The following CLN6 variants were observed in gnomAD, a reference collection of about 807,000 sequenced individuals.
CLN6 encodes the protein CLN6 transmembrane ER protein, also known as ceroid-lipofuscinosis neuronal protein 6.
CLN6 carries 22 observed loss-of-function variants against 33.3 expected under a neutral mutation model. That is an observed-to-expected ratio of 0.66 (90% CI 0.47 to 0.94). The LOEUF is 0.94. CLN6 is among the 40% of genes least tolerant of loss of function. The pLI is 0.00. For missense variants in CLN6, 387 were observed against 417.1 expected, an observed-to-expected ratio of 0.93 and a Z score of 0.63; for synonymous variants, 201 against 174.6, an observed-to-expected ratio of 1.15 and a Z score of -1.19.
At chr15:68,218,912 C>T (rs534894130) in intron 1 of CLN6, among the ~76,000 whole-genome samples, 22 of 152,084 alleles carry the variant, frequency 1.4e-4, no homozygotes, top group Non-Finnish European at 2.8e-4. Flanking sequence ...GGGGTTTCTC[C>T]GCTACTGAAA....
chr15:68,214,853 C>T (rs946114623), intron 2 of CLN6: 4 of 231,564 alleles, frequency 1.7e-5, no homozygotes, highest in African/African-American at 6.8e-5. Context: ...CGGGTTCTGG[C>T]GCTCCTGAGT....
rs1449523710 is a variant in CLN6, at chr15:68,220,431, G to A, written c.84-1781C>T. Reference sequence around the variant, plus strand: ...CCCACTGCTTCTTCTGGTAAGACATGATATTTTCTTAGCCACAGGAAGGGC... The same window carrying A: ...CCCACTGCTTCTTCTGGTAAGACATAATATTTTCTTAGCCACAGGAAGGGC... On this transcript the variant is annotated intron_variant, in intron 1 of 6. Coordinates refer to ENST00000249806, the MANE Select transcript of CLN6 (RefSeq NM_017882.3). The surrounding 1 kb of genome is among the most constrained non-coding windows in gnomAD (Gnocchi z 4.2). 2.6e-5 allele frequency among the ~76,000 whole-genome samples: 4 copies of A among 152,196 alleles called. No homozygotes were observed. Among genetic ancestry groups the A allele is most frequent in the Non-Finnish European group, 5.9e-5 (4 of 68,036 alleles).
At chr15:68,239,580 G>T (rs1484092061) in intron 1 of CLN6, among the ~76,000 whole-genome samples, 2 of 151,986 alleles carry the variant, frequency 1.3e-5, no homozygotes, top group African/African-American at 2.4e-5. Flanking sequence ...CTAAAGTTGT[G>T]GGTACCTACT....
rs1217691715 is a variant in CLN6 at position 68,236,907 on chromosome 15, C to A, written c.180-18257G>T. On this transcript the variant is annotated intron_variant, in intron 1 of 6. Coordinates refer to the CLN6 transcript ENST00000538696. This position sits in a 1 kb window ranked among gnomAD's most constrained non-coding sequence, Gnocchi z 4.5. ...GCGCGGTGGCTCACGCCTGTAATCC[C>A]AGCACTTTGGGAGGCCGAGGCGGGT... 6.6e-6 allele frequency among the ~76,000 whole-genome samples: 1 copy of A among 151,992 alleles called. No homozygotes were observed. The highest frequency in any genetic ancestry group is 6.6e-5 in the Admixed American group (1 of 15,258).
chr15:68,239,827 T>C (rs1481464730), intron 1 of CLN6, among the ~76,000 whole-genome samples: 3 of 152,184 alleles, frequency 2.0e-5, no homozygotes, highest in African/African-American at 7.2e-5. Flanking sequence ...TTTTTAAAAA[T>C]TGACCATATA....
In CLN6 at chr15:68,228,190, A is replaced by T. The variant is rs189715698; in HGVS notation, c.83+1312T>A. On this transcript the variant is annotated intron_variant, in intron 1 of 6. Coordinates refer to ENST00000249806, the MANE Select transcript of CLN6 (RefSeq NM_017882.3). The surrounding 1 kb of genome is among the most constrained non-coding windows in gnomAD (Gnocchi z 4.4). ...CTAAGTGAAAACGGACACAGTCCGC[A>T]GCTGCTCAGCCCGCATGTCCGCAGC... 6.6e-6 allele frequency among the ~76,000 whole-genome samples: 1 copy of T among 152,178 alleles called. No individual in the cohort carries two copies. Among genetic ancestry groups the T allele is most frequent in the Non-Finnish European group, 1.5e-5 (1 of 68,026 alleles).
chr15:68,256,990 C>A lies in CLN6; in HGVS notation c.-122G>T. ...CCTTCCCTGGGCTTCTCCGGCACAC[C>A]TGTATCTAGGGACTGAGCGCGACTG... On this transcript the variant is annotated 5_prime_UTR_variant, in exon 1 of 7. Coordinates refer to the CLN6 transcript ENST00000538696. This position sits in a 1 kb window ranked among gnomAD's most constrained non-coding sequence, Gnocchi z 4.1. 1.7e-6 allele frequency: 1 copy of A among 577,738 alleles called. No homozygotes were observed. The highest frequency in any genetic ancestry group is 2.1e-5 in the South Asian group (1 of 46,816). The allele number at this position is 577,738 out of a possible 1,614,324, so 35.8% of individuals were successfully genotyped here.
At position 68,209,021 on chromosome 15, in the gene CLN6, A is replaced by T. The variant is rs1170024625; in HGVS notation, c.666-611T>A. Among the ~76,000 whole-genome samples, 30 of 152,062 alleles carry T rather than the reference A, an allele frequency of 2.0e-4. No individual in the cohort carries two copies. The highest frequency in any genetic ancestry group is 1.9e-3 in the Admixed American group (29 of 15,272). On this transcript the variant is annotated intron_variant, in intron 6 of 6. Transcript: ENST00000249806. The surrounding 1 kb of genome is among the most constrained non-coding windows in gnomAD (Gnocchi z 4.9). The stretch of plus-strand genomic sequence containing the variant: ...CGACCCTGTCCTTCCCATGATACCC[A>T]CAATCCCAGGGTGACCTGTCTCCAG...
rs1555438443 is a variant in CLN6 at position 68,209,759 on chromosome 15, C to T, written c.543G>A (p.Trp181Ter). 1 of 1,613,186 alleles carries T rather than the reference C, an allele frequency of 6.2e-7. No homozygotes were observed. Among genetic ancestry groups the T allele is most frequent in the Non-Finnish European group, 8.5e-7 (1 of 1,179,730 alleles). ...AGAGGATGAGGAAGAAGGGGATGTA[C>T]CTGTGACAGGAAGGCCAGTGTCTTA... ...YYDEYLGHCM[W>*]YIPFFLILFM... Residue 181 changes from tryptophan (W) to a stop codon, truncating the protein, a stop_gained and splice_region_variant, in exon 6 of 7, where the codon TGG (tryptophan) becomes TGA (stop). Coordinates refer to ENST00000249806, the MANE Select transcript of CLN6 (RefSeq NM_017882.3). LOFTEE classifies it high-confidence loss of function. The surrounding 1 kb of genome is among the most constrained non-coding windows in gnomAD (Gnocchi z 4.9).
chr15:68,229,288 G>A (rs191694561), intron 1 of CLN6, among the ~76,000 whole-genome samples: 1 of 152,282 alleles, frequency 6.6e-6, no homozygotes, highest in Admixed American at 6.5e-5. Flanking sequence ...GGGAGGCCGA[G>A]CCCCGCTGGG....
In CLN6 at chr15:68,219,992, T is replaced by C. The variant is rs1567098369; in HGVS notation, c.84-1342A>G. ...TTACTCCTTTTGTAGTGGCAAACAT[T>C]AGCTTAGAGGCACTGCAAAGACTGT... On this transcript the variant is annotated intron_variant, in intron 1 of 6. Coordinates refer to ENST00000249806, the MANE Select transcript of CLN6 (RefSeq NM_017882.3). The surrounding 1 kb of genome is among the most constrained non-coding windows in gnomAD (Gnocchi z 4.2). Among the ~76,000 whole-genome samples, 1 of 152,218 alleles carries C rather than the reference T, an allele frequency of 6.6e-6. No individual in the cohort carries two copies. The highest frequency in any genetic ancestry group is 1.5e-5 in the Non-Finnish European group (1 of 68,028).
rs1892440264 is a variant in CLN6 at position 68,256,660 on chromosome 15, A to G, written c.179+30T>C. On this transcript the variant is annotated intron_variant, in intron 1 of 6. Transcript: ENST00000538696. This position sits in a 1 kb window ranked among gnomAD's most constrained non-coding sequence, Gnocchi z 4.1. ...TCAGAAGGGCTTCGCCCTTGGTTTA[A>G]TGCGCTGCTCTCATTGCCTTGAAAC... 1 of 617,672 alleles carries G rather than the reference A, an allele frequency of 1.6e-6. No individual in the cohort carries two copies. Among genetic ancestry groups the G allele is most frequent in the Non-Finnish European group, 2.9e-6 (1 of 341,632 alleles). 38.3% of individuals were successfully genotyped at this position (617,672 alleles called of 1,614,324 possible). A position where few individuals can be genotyped will look rare whatever the true frequency, so the allele number is the denominator to read the frequency against.
intron 1 of CLN6, among the ~76,000 whole-genome samples, chr15:68,223,990 G>A (rs2141150884): frequency 6.6e-6 from 1 of 152,002 alleles, no homozygotes; most frequent in East Asian, 1.9e-4. Context: ...AGGTTGCAGT[G>A]AGCCAGGATC....
intron 1 of CLN6, among the ~76,000 whole-genome samples, chr15:68,253,098 C>T (rs913756146): frequency 2.1e-4 from 32 of 152,192 alleles, no homozygotes; most frequent in Non-Finnish European, 1.5e-5. Flanking sequence ...TTCCCTCTTT[C>T]GCCACTACAT....
chr15:68,222,451 G>A (rs1334152820), intron 1 of CLN6, among the ~76,000 whole-genome samples: 29 of 144,890 alleles, frequency 2.0e-4, no homozygotes, highest in Admixed American at 4.1e-4. Flanking sequence ...CGGCCGCCCC[G>A]TCTGGGAGGT....
chr15:68,235,165 G>T (rs1892206704), intron 1 of CLN6, among the ~76,000 whole-genome samples: 1 of 152,086 alleles, frequency 6.6e-6, no homozygotes, highest in African/African-American at 2.4e-5. Flanking sequence ...CGCTAACCTT[G>T]GCTCCTGCTT....
chr15:68,246,766 A>C lies in CLN6; in HGVS notation c.179+9924T>G, dbSNP rs1467120078. The stretch of plus-strand genomic sequence containing the variant: ...TGAAATTAGGCTAAAATATAGAGAA[A>C]ATCAATGAAATGAAAATTGGTTTTT... On this transcript the variant is annotated intron_variant, in intron 1 of 6. Coordinates refer to the CLN6 transcript ENST00000538696. The surrounding 1 kb of genome is among the most constrained non-coding windows in gnomAD (Gnocchi z 4.5). Among the ~76,000 whole-genome samples the C allele has an allele frequency of 6.6e-6, 1 of 152,160 alleles. No individual in the cohort carries two copies. The highest frequency in any genetic ancestry group is 1.5e-5 in the Non-Finnish European group (1 of 68,034).
rs1361809483 is a variant in CLN6, at chr15:68,247,081, G to A, written c.179+9609C>T. 6.6e-6 allele frequency among the ~76,000 whole-genome samples: 1 copy of A among 152,044 alleles called. No individual in the cohort carries two copies. The highest frequency in any genetic ancestry group is 1.5e-5 in the Non-Finnish European group (1 of 67,998). ...TGAGGCAGGAGAATTGCTTGAAACT[G>A]GGAGGTGTTCTAAGCTCTGGAACAA... On this transcript the variant is annotated intron_variant, in intron 1 of 6. Transcript: ENST00000538696. The surrounding 1 kb of genome is among the most constrained non-coding windows in gnomAD (Gnocchi z 4.2).
At chr15:68,232,918 T>G (rs2093270325), upstream of CLN6, among the ~76,000 whole-genome samples, 1 of 152,170 alleles carries the variant, frequency 6.6e-6, no homozygotes, top group African/African-American at 2.4e-5. The surrounding 1 kb of genome is among the most constrained non-coding windows in gnomAD (Gnocchi z 4.7). Flanking sequence ...GGCATGTGCC[T>G]GTAATCCCAG....
Sources: gnomAD v4.1 joint callset for allele counts (sites outside exome capture counted in the v4.1 genomes callset) on GRCh38, gnomAD v4.1.1 for gene constraint, Gnocchi (gnomAD v3.1) non-coding constraint, MANE v1.5 for transcripts, NCBI Gene and HGNC (gene_info 2026-07-23, HGNC 2026-07-21) for gene names.